The following ADAMTSL1 variants were observed in gnomAD, a reference collection of about 807,000 sequenced individuals.
ADAMTSL1 encodes ADAMTS-like protein 1.
A neutral mutation model predicts 201.8 loss-of-function variants in ADAMTSL1; 126 were observed. The ratio of observed to expected loss-of-function variants is 0.62; its 90% CI spans 0.54 to 0.72. The LOEUF is 0.72. Among genes scored for constraint, ADAMTSL1 ranks in the 30% least tolerant of loss-of-function variants. ADAMTSL1 has a pLI of 0.00. For missense variants in ADAMTSL1, 2,679 were observed against 2,277.8 expected (o/e 1.18, Z -3.59); for synonymous variants, 1,121 against 903.4 (o/e 1.24, Z -4.32).
intron 16 of ADAMTSL1, among the ~76,000 whole-genome samples, chr9:18,761,520 C>A (rs116472463): frequency 0.015 from 2,249 of 151,990 alleles, 50 homozygotes; most frequent in African/African-American, 0.046. Flanking sequence ...AAAAATAATG[C>A]CCCTTACTGG....
At chr9:18,192,403 A>G (rs956500194) in intron 2 of ADAMTSL1, among the ~76,000 whole-genome samples, 2 of 152,166 alleles carry the variant, frequency 1.3e-5, no homozygotes, top group East Asian at 1.9e-4. Context: ...CTAGATTATG[A>G]TTATAAACAG....
intron 3 of ADAMTSL1, among the ~76,000 whole-genome samples, chr9:18,541,557 A>G (rs1040899186): frequency 6.6e-6 from 1 of 151,852 alleles, no homozygotes; most frequent in African/African-American, 2.4e-5. Flanking sequence ...GTGGAGAGTA[A>G]TTTAAAGGAT....
At chr9:18,582,708 G>C (rs1293406380) in intron 4 of ADAMTSL1, among the ~76,000 whole-genome samples, 1 of 151,844 alleles carries the variant, frequency 6.6e-6, no homozygotes, top group African/African-American at 2.4e-5. Context: ...TATTAGCCAG[G>C]TGTGGTAGAG....
intron 1 of ADAMTSL1, among the ~76,000 whole-genome samples, chr9:18,019,373 A>G (rs926344036): frequency 2.0e-5 from 3 of 152,142 alleles, no homozygotes; most frequent in Non-Finnish European, 2.9e-5. Flanking sequence ...GCTTATCAGC[A>G]AAGATCAAAT....
chr9:18,406,436 C>A (rs369807789), intron 2 of ADAMTSL1, among the ~76,000 whole-genome samples: 6 of 152,092 alleles, frequency 3.9e-5, no homozygotes, highest in African/African-American at 1.4e-4. Flanking sequence ...TCAAGCGACT[C>A]TCCTGCCTCA....
chr9:18,116,688 CT>C (rs987442405), intron 1 of ADAMTSL1, among the ~76,000 whole-genome samples: 2 of 151,944 alleles, frequency 1.3e-5, no homozygotes, highest in Admixed American at 6.6e-5. Flanking sequence ...TTTTCTTTTT[CT>C]TTTTTTATGG....
intron 2 of ADAMTSL1, among the ~76,000 whole-genome samples, chr9:18,513,669 CTA>C (rs1186193675): frequency 6.6e-6 from 1 of 152,182 alleles, no homozygotes; most frequent in Non-Finnish European, 1.5e-5. Context: ...TAATTTTTGT[CTA>C]TGGTGAAATT....
chr9:18,156,922 T>G (rs1827181025), intron 1 of ADAMTSL1, among the ~76,000 whole-genome samples: 1 of 152,060 alleles, frequency 6.6e-6, no homozygotes, highest in Admixed American at 6.6e-5. Flanking sequence ...TTGGGGACAA[T>G]AAGGAAGAAG....
chr9:18,584,825 A>G (rs1823374840), intron 4 of ADAMTSL1, among the ~76,000 whole-genome samples: 1 of 152,190 alleles, frequency 6.6e-6, no homozygotes, highest in Admixed American at 6.5e-5. Context: ...AGATGGATCC[A>G]TGGATGATGT....
chr9:18,681,704 GGGGGGC>G, intron 11 of ADAMTSL1, 102 bp from the exon 12 acceptor site: 1 of 716,340 alleles, frequency 1.4e-6, no homozygotes, highest in Non-Finnish European at 2.0e-6. Flanking sequence ...GTGTGGGGGG[GGGGGGC>G]GGGGAAAAAG....
chr9:18,316,919 T>C (rs1834422433), intron 2 of ADAMTSL1, among the ~76,000 whole-genome samples: 2 of 152,192 alleles, frequency 1.3e-5, no homozygotes, highest in South Asian at 4.2e-4. Flanking sequence ...CAAAGGGATA[T>C]CTACACCTCC....
At chr9:18,209,322 T>A (rs1364927660) in intron 2 of ADAMTSL1, among the ~76,000 whole-genome samples, 4 of 152,220 alleles carry the variant, frequency 2.6e-5, no homozygotes, top group African/African-American at 9.6e-5. Context: ...GAACCTTCAC[T>A]ATTGTTCTGG....
chr9:18,023,273 C>T (rs547350707), intron 1 of ADAMTSL1, among the ~76,000 whole-genome samples: 1 of 152,170 alleles, frequency 6.6e-6, no homozygotes, highest in Admixed American at 6.5e-5. Flanking sequence ...AAAGTATCAG[C>T]TTTAGTAGGT....
At chr9:18,113,967 A>G (rs1452693778) in intron 1 of ADAMTSL1, among the ~76,000 whole-genome samples, 1 of 152,116 alleles carries the variant, frequency 6.6e-6, no homozygotes, top group African/African-American at 2.4e-5. Context: ...TGCTCTACTG[A>G]GTGAAGAGAG....
chr9:18,187,047 G>A (rs1274974495), intron 2 of ADAMTSL1, among the ~76,000 whole-genome samples: 1 of 152,150 alleles, frequency 6.6e-6, no homozygotes, highest in Non-Finnish European at 1.5e-5. Flanking sequence ...CATCTCTTGA[G>A]AGCAAAATTG....
At chr9:18,471,015 G>GT (rs1252498179), upstream of ADAMTSL1, among the ~76,000 whole-genome samples, 1 of 152,178 alleles carries the variant, frequency 6.6e-6, no homozygotes, top group East Asian at 1.9e-4. Context: ...CTCAGATGCC[G>GT]TAAGTGGCCT....
chr9:18,083,518 G>A (rs956243064), intron 1 of ADAMTSL1, among the ~76,000 whole-genome samples: 2 of 152,094 alleles, frequency 1.3e-5, no homozygotes, highest in African/African-American at 4.8e-5. Context: ...TTAGCCTTTG[G>A]CTTGGTCCAA....
intron 2 of ADAMTSL1, among the ~76,000 whole-genome samples, chr9:18,411,675 T>C (rs1053306880): frequency 1.3e-5 from 2 of 152,230 alleles, no homozygotes; most frequent in African/African-American, 4.8e-5. Context: ...AGTATTTTGC[T>C]ATTCTTTCTT....
intron 3 of ADAMTSL1, among the ~76,000 whole-genome samples, chr9:18,564,728 G>T (rs533693925): frequency 6.6e-6 from 1 of 152,080 alleles, no homozygotes; most frequent in African/African-American, 2.4e-5. Flanking sequence ...TTAAGGAGGT[G>T]GGAGAGAACA....
Sources: allele counts gnomAD v4.1 joint callset (sites outside exome capture counted in the v4.1 genomes callset), GRCh38; gene constraint gnomAD v4.1.1; transcripts MANE v1.5; gene names NCBI Gene and HGNC (gene_info 2026-07-23, HGNC 2026-07-21).